PRKAG2: variants seen among roughly 807,000 people sequenced by gnomAD.
PRKAG2 encodes the protein protein kinase AMP-activated non-catalytic subunit gamma 2.
In PRKAG2, 26 loss-of-function variants were observed where a neutral mutation model predicts 69.6. The ratio of observed to expected loss-of-function variants is 0.37; its 90% CI spans 0.27 to 0.52. The LOEUF is 0.52. Among genes scored for constraint, PRKAG2 ranks in the 20% least tolerant of loss-of-function variants. The pLI is 0.90. For synonymous variants in PRKAG2, 293 were observed against 285.0 expected, an observed-to-expected ratio of 1.03 and a Z score of -0.28; for missense variants, 557 against 740.0, an observed-to-expected ratio of 0.75 and a Z score of 2.87.
chr7:151,698,320 C>T (rs990418225), intron 3 of PRKAG2, among the ~76,000 whole-genome samples: 5 of 152,180 alleles, frequency 3.3e-5, no homozygotes, highest in Middle Eastern at 3.2e-3. Context: ...CTGGTTTTTC[C>T]CTTCACTGTC....
At chr7:151,617,190 G>A (rs1820343840) in intron 5 of PRKAG2, among the ~76,000 whole-genome samples, 1 of 150,874 alleles carries the variant, frequency 6.6e-6, no homozygotes, top group South Asian at 2.1e-4. Flanking sequence ...TGAACCTGGA[G>A]GCGGAGGTTG....
chr7:151,615,138 T>C (rs1212494025), intron 5 of PRKAG2, among the ~76,000 whole-genome samples: 5 of 152,264 alleles, frequency 3.3e-5, no homozygotes, highest in Admixed American at 2.0e-4. Flanking sequence ...AGCTGTTTTT[T>C]GTTCCTGCAT....
chr7:151,706,264 C>T (rs1387757071), intron 3 of PRKAG2, among the ~76,000 whole-genome samples: 1 of 152,200 alleles, frequency 6.6e-6, no homozygotes, highest in Admixed American at 6.5e-5. Flanking sequence ...CCTCTTTGCC[C>T]TGTAGCACCA....
At chr7:151,667,638 C>T (rs1260094275) in intron 4 of PRKAG2, among the ~76,000 whole-genome samples, 2 of 152,202 alleles carry the variant, frequency 1.3e-5, no homozygotes, top group African/African-American at 4.8e-5. Context: ...GAGGAACTAC[C>T]GTGTGCCTGT....
chr7:151,697,594 G>C (rs2151553802), intron 3 of PRKAG2, among the ~76,000 whole-genome samples: 1 of 152,276 alleles, frequency 6.6e-6, no homozygotes, highest in East Asian at 1.9e-4. Context: ...GTCCACACAT[G>C]ACAGGGTGCC....
intron 1 of PRKAG2, among the ~76,000 whole-genome samples, chr7:151,866,110 C>T (rs1182919305): frequency 6.6e-6 from 1 of 152,078 alleles, no homozygotes; most frequent in Non-Finnish European, 1.5e-5. Flanking sequence ...CCTTCAATGA[C>T]CTTCATCTAG....
intron 3 of PRKAG2, among the ~76,000 whole-genome samples, chr7:151,773,266 GAGAA>G (rs971082148): frequency 2.6e-5 from 4 of 151,844 alleles, no homozygotes; most frequent in Middle Eastern, 3.2e-3. Flanking sequence ...AAGAAAGAAA[GAGAA>G]AGAAAGAGAG....
Position 151,632,629 on chromosome 7 carries a change from G to C in PRKAG2, c.685-491C>G. ...CCACCTGCGCAGGTGTGGGCTCCGC[G>C]GCGCGGGGAGGGGGAGAGGGGCTGG... On this transcript the variant is annotated intron_variant, in intron 4 of 15. Transcript: ENST00000287878. The surrounding 1 kb of genome is among the most constrained non-coding windows in gnomAD (Gnocchi z 4.2). 4 of 984,330 alleles carry C rather than the reference G, an allele frequency of 4.1e-6. No homozygotes were observed. The South Asian group carries it at 1.9e-4, about 46-fold the overall frequency. The allele number at this position is 984,330 out of a possible 1,614,324, so 61.0% of individuals were successfully genotyped here.
In PRKAG2 at chr7:151,786,417, C is replaced by T. The variant is rs113966909; in HGVS notation, c.186+53G>A. On this transcript the variant is annotated intron_variant, in intron 2 of 15. Coordinates refer to ENST00000287878, the MANE Select transcript of PRKAG2 (RefSeq NM_016203.4). ...TGGAAGTGGGCTCAGGCTCTGCCTG[C>T]CTCCGTGGCACCTCAAGTGAGCTGT... 7.2e-6 allele frequency: 11 copies of T among 1,520,652 alleles called. No individual in the cohort carries two copies. In the African/African-American group the frequency reaches 9.5e-5, roughly 13 times the overall value. The allele number at this position is 1,520,652 out of a possible 1,614,324, so 94.2% of individuals were successfully genotyped here. A position where few individuals can be genotyped will look rare whatever the true frequency, so the allele number is the denominator to read the frequency against.
intron 4 of PRKAG2, chr7:151,633,146 G>C (rs1033708629): frequency 6.6e-6 from 1 of 152,212 alleles, no homozygotes; most frequent in Admixed American, 6.5e-5. Flanking sequence ...TTGCAAGCCG[G>C]GCCTGAAAGA....
At chr7:151,832,047 A>G (rs1212709242) in intron 1 of PRKAG2, among the ~76,000 whole-genome samples, 1 of 152,078 alleles carries the variant, frequency 6.6e-6, no homozygotes, top group African/African-American at 2.4e-5. Context: ...AAGATGGAGG[A>G]ATCTCAGGAG....
At chr7:151,672,549 C>G (rs1055074465) in intron 4 of PRKAG2, among the ~76,000 whole-genome samples, 2 of 152,044 alleles carry the variant, frequency 1.3e-5, no homozygotes, top group South Asian at 2.1e-4. Context: ...TCCCCTCCCC[C>G]CAGCCCCCGG....
chr7:151,845,227 C>G (rs1452708479), intron 1 of PRKAG2, among the ~76,000 whole-genome samples: 1 of 152,022 alleles, frequency 6.6e-6, no homozygotes, highest in African/African-American at 2.4e-5. Flanking sequence ...CCTGCTTGAG[C>G]CAGGATGGGA....
At chr7:151,571,965 G>C (rs1426954782) in intron 9 of PRKAG2, among the ~76,000 whole-genome samples, 1 of 152,044 alleles carries the variant, frequency 6.6e-6, no homozygotes, top group Non-Finnish European at 1.5e-5. Flanking sequence ...CCCTCCAAAG[G>C]CTCCGCTGTT....
At chr7:151,558,351 G>A (rs1281983064) in intron 15 of PRKAG2, 2 of 985,270 alleles carry the variant, frequency 2.0e-6, no homozygotes, top group East Asian at 1.1e-4. Context: ...CCACCTAACA[G>A]TGCAGGTCCC....
chr7:151,845,866 C>T (rs556989182), intron 1 of PRKAG2, among the ~76,000 whole-genome samples: 2 of 152,334 alleles, frequency 1.3e-5, no homozygotes, highest in Admixed American at 1.3e-4. Flanking sequence ...CCAGAGTCTG[C>T]CGCTCCCTCA....
At chr7:151,754,091 C>A (rs2074901707) in intron 3 of PRKAG2, among the ~76,000 whole-genome samples, 1 of 152,210 alleles carries the variant, frequency 6.6e-6, no homozygotes, top group Admixed American at 6.5e-5. Flanking sequence ...CTTTTACTGT[C>A]TCCGAAGGTG....
intron 4 of PRKAG2, among the ~76,000 whole-genome samples, chr7:151,636,177 C>CA (rs1385916712): frequency 2.0e-5 from 3 of 152,138 alleles, no homozygotes; most frequent in Admixed American, 2.0e-4. Context: ...AAATATAATT[C>CA]ACATACCATA....
In PRKAG2 at chr7:151,675,219, C is replaced by G. The variant is rs1434474413; in HGVS notation, c.684+201G>C. Reference sequence around the variant, plus strand: ...TACAGGTGTGAGCCACCGCACCCAGCTATTTTTTGTGTATTTCCATTTGCT... The same window carrying G: ...TACAGGTGTGAGCCACCGCACCCAGGTATTTTTTGTGTATTTCCATTTGCT... On this transcript the variant is annotated intron_variant, in intron 4 of 15. Coordinates refer to ENST00000287878, the MANE Select transcript of PRKAG2 (RefSeq NM_016203.4). The G allele has an allele frequency of 7.7e-6, 5 of 653,042 alleles. No individual in the cohort carries two copies. In the East Asian group the frequency reaches 1.2e-4, roughly 16 times the overall value. The allele number at this position is 653,042 out of a possible 1,614,324, so 40.5% of individuals were successfully genotyped here. A position where few individuals can be genotyped will look rare whatever the true frequency, so the allele number is the denominator to read the frequency against.
Sources: allele counts gnomAD v4.1 joint callset (sites outside exome capture counted in the v4.1 genomes callset), GRCh38; gene constraint gnomAD v4.1.1; non-coding constraint Gnocchi (gnomAD v3.1); transcripts MANE v1.5; gene names NCBI Gene and HGNC (gene_info 2026-07-23, HGNC 2026-07-21).